PSEN2: variants seen among roughly 807,000 people sequenced by gnomAD.
PSEN2 encodes presenilin 2, also known as presenilin-2.
Under a neutral mutation model 49.1 loss-of-function variants are expected in PSEN2, and 32 were observed. The observed-to-expected ratio is 0.65, with a 90% CI of 0.49 to 0.88. PSEN2 has a LOEUF of 0.88. Among genes scored for constraint, PSEN2 ranks in the 40% least tolerant of loss-of-function variants. PSEN2 has a pLI of 0.00. For synonymous variants in PSEN2, 255 were observed against 244.0 expected (o/e 1.05, Z -0.42); for missense variants, 522 against 586.9 (o/e 0.89, Z 1.14).
chr1:226,902,521 A>G (rs1036324231), intron 12 of PSEN2, among the ~76,000 whole-genome samples: 3 of 152,188 alleles, frequency 2.0e-5, no homozygotes, highest in Non-Finnish European at 2.9e-5. Context: ...CTCAGGCTCA[A>G]CAGTACCTGA....
In PSEN2 at chr1:226,888,904, G is replaced by T. The variant is rs190477948; in HGVS notation, c.642G>T (p.Val214=). The change falls in exon 8 of 13, where the codon GTG becomes GTT. Residue 214 remains valine (V), a synonymous_variant. Coordinates refer to ENST00000366783, the MANE Select transcript of PSEN2 (RefSeq NM_000447.3). ...LLLTVWNFGA[V]GMVCIHWKGP... ...TGACTGTCTGGAACTTCGGGGCAGT[G>T]GGCATGGTGTGCATCCACTGGAAGG... The T allele has an allele frequency of 6.2e-7, 1 of 1,614,172 alleles. No homozygotes were observed. The highest frequency in any genetic ancestry group is 1.3e-5 in the African/African-American group (1 of 75,040).
At chr1:226,892,456 C>T (rs1661824481) in intron 11 of PSEN2, among the ~76,000 whole-genome samples, 1 of 152,140 alleles carries the variant, frequency 6.6e-6, no homozygotes, top group Non-Finnish European at 1.5e-5. Flanking sequence ...GTACACGGTG[C>T]CTGCCTAACA....
chr1:226,884,053 C>T (rs538511268), intron 5 of PSEN2, 134 bp downstream of exon 5: 16 of 772,630 alleles, frequency 2.1e-5, no homozygotes, highest in African/African-American at 1.0e-4. Flanking sequence ...GATGAAGAAC[C>T]GCCCAGGTTC....
chr1:226,883,864 G>T lies in PSEN2; in HGVS notation c.301G>T (p.Val101Leu). Residue 101 changes from valine to leucine, a missense_variant, in exon 5 of 13, where the codon GTG (valine) becomes TTG (leucine). Physicochemically the swap from Val to Leu is conservative, Grantham distance 32. Coordinates refer to ENST00000366783, the MANE Select transcript of PSEN2 (RefSeq NM_000447.3). ...TGTGCCTGTCACTCTGTGCATGATC[G>T]TGGTGGTAGCCACCATCAAGTCTGT... ...LFVPVTLCMI[V>L]VVATIKSVRF... 1 of 1,613,852 alleles carries T rather than the reference G, an allele frequency of 6.2e-7. No individual in the cohort carries two copies. The highest frequency in any genetic ancestry group is 8.5e-7 in the Non-Finnish European group (1 of 1,179,986).
At position 226,891,755 on chromosome 1, in the gene PSEN2, A is replaced by AT. The variant is rs765039787; in HGVS notation, c.984dup (p.Asp329Ter). 3 of 1,613,840 alleles carry AT rather than the reference A, an allele frequency of 1.9e-6. No homozygotes were observed. In the South Asian group the frequency reaches 3.3e-5, roughly 18 times the overall value. On this transcript the variant is annotated frameshift_variant, in exon 11 of 13. Coordinates refer to ENST00000366783, the MANE Select transcript of PSEN2 (RefSeq NM_000447.3). LOFTEE classifies it high-confidence loss of function. ...CCTGGACACCCAGAAGAAGACTCCTATGACAGTTTTGGGGAGCCTTCATAC... is the reference window on the plus strand; with the variant it reads ...CCTGGACACCCAGAAGAAGACTCCTATTGACAGTTTTGGGGAGCCTTCATAC...
At chr1:226,885,982 C>CTTG (rs1661339264) in intron 6 of PSEN2, among the ~76,000 whole-genome samples, 1 of 151,866 alleles carries the variant, frequency 6.6e-6, no homozygotes, top group Non-Finnish European at 1.5e-5. Context: ...TTCTCCCACC[C>CTTG]AGCCCCTCAA....
At chr1:226,902,615 A>G (rs1210086257) in intron 12 of PSEN2, among the ~76,000 whole-genome samples, 1 of 152,136 alleles carries the variant, frequency 6.6e-6, no homozygotes, top group African/African-American at 2.4e-5. Context: ...ACAAGACAGA[A>G]GTTTCCCACC....
intron 8 of PSEN2, among the ~76,000 whole-genome samples, chr1:226,889,654 C>G (rs560874052): frequency 3.7e-4 from 56 of 152,358 alleles, no homozygotes; most frequent in African/African-American, 1.3e-3. Context: ...ATTTGTTCAT[C>G]AAGACAGTCC....
At chr1:226,882,947 C>A (rs1169068439) in intron 4 of PSEN2, among the ~76,000 whole-genome samples, 1 of 152,204 alleles carries the variant, frequency 6.6e-6, no homozygotes, top group Non-Finnish European at 1.5e-5. Flanking sequence ...AAGCAACTGT[C>A]ATTTTCAGTT....
chr1:226,903,390 C>T (rs1443211757), intron 12 of PSEN2: 1 of 152,244 alleles, frequency 6.6e-6, no homozygotes, highest in Non-Finnish European at 1.5e-5. Context: ...AGCACACACA[C>T]AGACCCTCCA....
intron 3 of PSEN2, 124 bp from the exon 4 acceptor site, chr1:226,881,764 C>T: frequency 9.4e-7 from 1 of 1,063,404 alleles, no homozygotes; most frequent in Admixed American, 1.7e-5. Context: ...ACAGGCATCT[C>T]TTGGAAGCTT....
intron 8 of PSEN2, 134 bp from the exon 9 acceptor site, chr1:226,889,901 T>G: frequency 1.3e-6 from 1 of 751,750 alleles, no homozygotes; most frequent in Non-Finnish European, 2.4e-6. Context: ...GACTGGAGAA[T>G]GAGAATTTGG....
intron 3 of PSEN2, chr1:226,880,621 A>T: frequency 1.1e-6 from 1 of 902,802 alleles, no homozygotes; most frequent in African/African-American, 3.1e-5. Flanking sequence ...GGACAGCGAT[A>T]ACTCAGCCTC....
intron 3 of PSEN2, 102 bp from the exon 4 acceptor site, chr1:226,881,786 C>T: frequency 5.3e-6 from 7 of 1,313,606 alleles, no homozygotes; most frequent in Non-Finnish European, 7.7e-6. Context: ...TGGGGCAGGA[C>T]TTGTGTCCAA....
Position 226,888,075 on chromosome 1 carries a change from A to G in PSEN2, c.499-16A>G, listed in dbSNP as rs1346030940. On this transcript the variant is annotated splice_polypyrimidine_tract_variant and intron_variant, in intron 6 of 12. Transcript: ENST00000366783. Reference sequence around the variant, plus strand: ...GCTTGGGGACACCTTGTGATCGTGCAATTTCTGTTGTCTAGTTCATCCATG... The same window carrying G: ...GCTTGGGGACACCTTGTGATCGTGCGATTTCTGTTGTCTAGTTCATCCATG... 6.2e-7 allele frequency: 1 copy of G among 1,610,550 alleles called. No homozygotes were observed. The highest frequency in any genetic ancestry group is 8.5e-7 in the Non-Finnish European group (1 of 1,176,808).
intron 12 of PSEN2, among the ~76,000 whole-genome samples, chr1:226,894,615 A>C (rs1477575008): frequency 6.6e-6 from 1 of 152,206 alleles, no homozygotes; most frequent in Non-Finnish European, 1.5e-5. Context: ...ACAGCAGTGA[A>C]ATGTGGAGGC....
intron 12 of PSEN2, 63 bp from the exon 13 acceptor site, chr1:226,895,361 T>C: frequency 6.3e-7 from 1 of 1,592,438 alleles, no homozygotes; most frequent in Non-Finnish European, 8.6e-7. Context: ...GACTAGACCA[T>C]GACTCACAGC....
intron 12 of PSEN2, among the ~76,000 whole-genome samples, chr1:226,895,142 A>G (rs1662045894): frequency 6.6e-6 from 1 of 152,226 alleles, no homozygotes; most frequent in African/African-American, 2.4e-5. Context: ...CTCCAGCCAG[A>G]CAGGGGAGGC....
chr1:226,885,977 C>T lies in PSEN2; in HGVS notation c.498+298C>T, dbSNP rs566279977. 8.4e-4 allele frequency among the ~76,000 whole-genome samples: 128 copies of T among 152,216 alleles called. 1 individual carries two copies. The highest frequency in any genetic ancestry group is 6.5e-4 in the Admixed American group (10 of 15,296). ...CTCAACCTCCTGGGCTCAAGTTCTC[C>T]CACCCAGCCCCTCAAGTAGCTAGGA... On this transcript the variant is annotated intron_variant, in intron 6 of 12. Coordinates refer to ENST00000366783, the MANE Select transcript of PSEN2 (RefSeq NM_000447.3).
Sources: allele counts gnomAD v4.1 joint callset (sites outside exome capture counted in the v4.1 genomes callset), GRCh38; gene constraint gnomAD v4.1.1; transcripts MANE v1.5; gene names NCBI Gene and HGNC (gene_info 2026-07-23, HGNC 2026-07-21).